Variants in ENPEP observed in about 807,000 individuals in gnomAD.
ENPEP encodes AP-A.
In ENPEP, 103 loss-of-function variants were observed where a neutral mutation model predicts 114.5. The ratio of observed to expected loss-of-function variants is 0.90; its 90% CI spans 0.77 to 1.06. The LOEUF is 1.06. Among genes scored for constraint, ENPEP ranks in the 50% least tolerant of loss-of-function variants. The probability of loss-of-function intolerance (pLI) is 0.00; values close to 1 mark genes in which losing one functional copy is unlikely to be tolerated. For missense variants in ENPEP, 1,196 were observed against 1,161.3 expected, an observed-to-expected ratio of 1.03 and a Z score of -0.43; for synonymous variants, 420 against 422.0, an observed-to-expected ratio of 1.00 and a Z score of 0.06.
intron 8 of ENPEP, chr4:110,515,776 A>G: frequency 2.1e-6 from 1 of 465,314 alleles, no homozygotes; most frequent in Non-Finnish European, 4.3e-6. Flanking sequence ...TTTTTCTTGC[A>G]GTTATGGAGG....
chr4:110,557,762 G>GA (rs1417039129), intron 18 of ENPEP, among the ~76,000 whole-genome samples: 1 of 152,114 alleles, frequency 6.6e-6, no homozygotes, highest in African/African-American at 2.4e-5. Flanking sequence ...CATTAGGGAT[G>GA]AAAAAACATA....
chr4:110,503,541 G>A (rs1725243434), intron 3 of ENPEP, among the ~76,000 whole-genome samples: 1 of 152,066 alleles, frequency 6.6e-6, no homozygotes, highest in African/African-American at 2.4e-5. Flanking sequence ...GAATTCTATT[G>A]CTATCATTTC....
chr4:110,491,273 C>G (rs796636241), intron 3 of ENPEP, 109 bp downstream of exon 3: 3 of 1,044,042 alleles, frequency 2.9e-6, no homozygotes, highest in Non-Finnish European at 4.0e-6. Context: ...GCCTGAAAAG[C>G]CCTTTAGTCC....
chr4:110,488,176 A>G (rs914840168), intron 1 of ENPEP, among the ~76,000 whole-genome samples: 1 of 152,168 alleles, frequency 6.6e-6, no homozygotes, highest in Non-Finnish European at 1.5e-5. Context: ...CTTGTTGCTC[A>G]ATGGGCTTGG....
intron 18 of ENPEP, among the ~76,000 whole-genome samples, chr4:110,554,557 G>A (rs960911373): frequency 2.0e-5 from 3 of 152,012 alleles, no homozygotes; most frequent in Non-Finnish European, 2.9e-5. Context: ...GTGTGTGTGT[G>A]TGCACGCACA....
At chr4:110,553,545 T>A in intron 18 of ENPEP, 90 bp downstream of exon 18, 1 of 1,259,966 alleles carries the variant, frequency 7.9e-7, no homozygotes, top group Non-Finnish European at 1.1e-6. Context: ...GTCTCTGACA[T>A]CTATACAATA....
Position 110,476,784 on chromosome 4 carries a change from A to C in ENPEP, c.370A>C (p.Asn124His), listed in dbSNP as rs762308557. ...TYTGTVSISI[N>H]LSAPTRYLWL... ...CACGGGCACCGTGAGCATCTCCATC[A>C]ACCTGAGCGCTCCCACCCGGTACCT... The change falls in exon 1 of 20, where the codon AAC becomes CAC. Residue 124 changes from asparagine (N) to histidine (H), a missense_variant. By Grantham distance (68) the Asn-to-His change is moderately conservative. Transcript: ENST00000265162. 3 of 1,614,084 alleles carry C rather than the reference A, an allele frequency of 1.9e-6. No homozygotes were observed. The African/African-American group carries it at 4.0e-5, about 22-fold the overall frequency.
chr4:110,500,294 A>G (rs1405114664), intron 3 of ENPEP: 1 of 152,224 alleles, frequency 6.6e-6, no homozygotes, highest in Non-Finnish European at 1.5e-5. Flanking sequence ...ATGATAAGGG[A>G]AAAGCAAAAG....
chr4:110,543,953 A>C (rs1726950340), intron 13 of ENPEP, among the ~76,000 whole-genome samples: 1 of 152,048 alleles, frequency 6.6e-6, no homozygotes, highest in African/African-American at 2.4e-5. Flanking sequence ...GTAGGCACCC[A>C]AACCCAGCTC....
intron 10 of ENPEP, among the ~76,000 whole-genome samples, chr4:110,521,233 G>A (rs753358107): frequency 6.6e-6 from 1 of 152,038 alleles, no homozygotes; most frequent in African/African-American, 2.4e-5. Flanking sequence ...ACTGGAGTAT[G>A]GTAGTTCATG....
At chr4:110,500,614 T>C (rs905895762) in intron 3 of ENPEP, among the ~76,000 whole-genome samples, 1 of 151,998 alleles carries the variant, frequency 6.6e-6, no homozygotes, top group Non-Finnish European at 1.5e-5. Context: ...GTTAATAGGG[T>C]TCTTACATTT....
intron 8 of ENPEP, among the ~76,000 whole-genome samples, chr4:110,519,727 C>T (rs939477362): frequency 6.6e-6 from 1 of 151,818 alleles, no homozygotes; most frequent in African/African-American, 2.4e-5. Flanking sequence ...CAAATCTGGC[C>T]CACCATCCAT....
chr4:110,520,278 C>T lies in ENPEP; in HGVS notation c.1639C>T (p.Leu547Phe), dbSNP rs767434144. 15 of 1,614,030 alleles carry T rather than the reference C, an allele frequency of 9.3e-6. No individual in the cohort carries two copies. Among genetic ancestry groups the T allele is most frequent in the South Asian group, 3.3e-5 (3 of 91,082 alleles). ...TWTRQMGYPV[L>F]NVNGVKNITQ... ...GACCAGACAGATGGGTTATCCTGTG[C>T]TTAACGTGAACGGTGTCAAGAACAT... Residue 547 changes from leucine (L) to phenylalanine (F), a missense_variant, in exon 10 of 20, where the codon CTT becomes TTT. Coordinates refer to ENST00000265162, the MANE Select transcript of ENPEP (RefSeq NM_001977.4).
chr4:110,535,118 T>C (rs1265596658), intron 11 of ENPEP, among the ~76,000 whole-genome samples: 1 of 152,188 alleles, frequency 6.6e-6, no homozygotes, highest in Non-Finnish European at 1.5e-5. Context: ...GGATTGAAGG[T>C]TGTTATATGG....
rs1727769391 is a variant in ENPEP, at chr4:110,564,552, T to C, written c.*2994T>C. On this transcript the variant is annotated 3_prime_UTR_variant, in exon 20 of 20. Transcript: ENST00000265162. ...TTAGCTCTTATTATTGTTACTATTA[T>C]ATCTCCCCATCCCTACTTAAGACAC... is the stretch of plus-strand genomic sequence containing the variant. 1 of 152,232 alleles carries C rather than the reference T, an allele frequency of 6.6e-6. No homozygotes were observed. The allele number at this position is 152,232 out of a possible 1,614,324, so 9.4% of individuals were successfully genotyped here.
rs146706022 is a variant in ENPEP at position 110,476,721 on chromosome 4, G to C, written c.307G>C (p.Asp103His). ...LPDFVNPVHY[D>H]LHVKPLLEED... ...GGACTTCGTCAACCCAGTCCACTAC[G>C]ACCTGCACGTGAAGCCCCTGTTGGA... Residue 103 changes from aspartate (D) to histidine (H), a missense_variant, in exon 1 of 20, where the codon GAC becomes CAC. Transcript: ENST00000265162. 6.2e-7 allele frequency: 1 copy of C among 1,613,850 alleles called. No individual in the cohort carries two copies.
At chr4:110,478,103 C>A (rs913598950) in intron 1 of ENPEP, among the ~76,000 whole-genome samples, 23 of 152,290 alleles carry the variant, frequency 1.5e-4, no homozygotes, top group African/African-American at 5.3e-4. Context: ...AGTCTTGGGC[C>A]AGTCCACCCA....
At chr4:110,546,507 C>G (rs984727310) in intron 13 of ENPEP, among the ~76,000 whole-genome samples, 1 of 151,768 alleles carries the variant, frequency 6.6e-6, no homozygotes, top group Non-Finnish European at 1.5e-5. Flanking sequence ...GGACGAATGG[C>G]AAAGAGAACA....
In ENPEP at chr4:110,564,182, T is replaced by TA. The variant is rs1293861017; in HGVS notation, c.*2625dup. 6.6e-6 allele frequency: 1 copy of TA among 152,134 alleles called. No homozygotes were observed. Among genetic ancestry groups the TA allele is most frequent in the Non-Finnish European group, 1.5e-5 (1 of 68,008 alleles). The allele number at this position is 152,134 out of a possible 1,614,324, so 9.4% of individuals were successfully genotyped here. ...AAAACCCCCTTAAAGTAGATACTGTTATTGTTCTTATTTTAGAGTGGATAA... is the reference window on the plus strand; with the variant it reads ...AAAACCCCCTTAAAGTAGATACTGTTAATTGTTCTTATTTTAGAGTGGATAA... On this transcript the variant is annotated 3_prime_UTR_variant, in exon 20 of 20. Transcript: ENST00000265162.
Sources: gnomAD v4.1 joint callset for allele counts (sites outside exome capture counted in the v4.1 genomes callset) on GRCh38, gnomAD v4.1.1 for gene constraint, MANE v1.5 for transcripts, NCBI Gene and HGNC (gene_info 2026-07-23, HGNC 2026-07-21) for gene names.